Variants in LIN52 observed in about 807,000 individuals in gnomAD.
LIN52 encodes the protein protein lin-52 homolog.
Under a neutral mutation model 18.5 loss-of-function variants are expected in LIN52, and 4 were observed. The observed-to-expected ratio is 0.22, with a 90% CI of 0.11 to 0.49. LIN52 has a LOEUF of 0.49. Ranked by LOEUF, LIN52 falls within the 20% of genes least tolerant of loss-of-function variation. The pLI is 0.97. For missense variants in LIN52, 102 were observed against 139.5 expected (o/e 0.73, Z 1.35); for synonymous variants, 34 against 45.5 (o/e 0.75, Z 1.02).
At chr14:74,130,195 A>C (rs1056832408) in intron 5 of LIN52, among the ~76,000 whole-genome samples, 1 of 151,870 alleles carries the variant, frequency 6.6e-6, no homozygotes, top group Admixed American at 6.6e-5. Flanking sequence ...GAGCCAAACC[A>C]TATCACCCTG....
At chr14:74,128,902 A>G (rs1173891219) in intron 5 of LIN52, among the ~76,000 whole-genome samples, 1 of 152,192 alleles carries the variant, frequency 6.6e-6, no homozygotes, top group Non-Finnish European at 1.5e-5. Flanking sequence ...AGATCGCACC[A>G]CTGCACTCCA....
At chr14:74,116,203 T>C (rs1477301951) in intron 5 of LIN52, among the ~76,000 whole-genome samples, 7 of 152,142 alleles carry the variant, frequency 4.6e-5, no homozygotes, top group Admixed American at 2.0e-4. Context: ...CTGGGGAGAC[T>C]GAGGCATGAG....
intron 5 of LIN52, among the ~76,000 whole-genome samples, chr14:74,156,236 T>C (rs1658556106): frequency 6.6e-6 from 1 of 152,262 alleles, no homozygotes; most frequent in African/African-American, 2.4e-5. Context: ...ACTCCTTTTT[T>C]AGCAATAGCA....
At chr14:74,093,377 A>G (rs1030500711) in intron 2 of LIN52, among the ~76,000 whole-genome samples, 4 of 130,386 alleles carry the variant, frequency 3.1e-5, no homozygotes, top group African/African-American at 1.2e-4. Context: ...CAGGCTGTGC[A>G]GTATAATGGT....
At chr14:74,154,645 A>G (rs2061191959) in intron 5 of LIN52, among the ~76,000 whole-genome samples, 1 of 152,166 alleles carries the variant, frequency 6.6e-6, no homozygotes, top group South Asian at 2.1e-4. Flanking sequence ...AGCTTTATTT[A>G]ATCTGTATTG....
At chr14:74,109,016 A>G (rs2060912471) in intron 5 of LIN52, among the ~76,000 whole-genome samples, 1 of 152,142 alleles carries the variant, frequency 6.6e-6, no homozygotes, top group African/African-American at 2.4e-5. Context: ...GTTTTCTTTT[A>G]AGAGTTTTAT....
intron 5 of LIN52, among the ~76,000 whole-genome samples, chr14:74,173,499 T>C (rs1368378691): frequency 6.6e-6 from 1 of 152,202 alleles, no homozygotes; most frequent in Non-Finnish European, 1.5e-5. Flanking sequence ...GATTACTTAG[T>C]TTTTACAGCA....
At chr14:74,138,626 G>C (rs2061111252) in intron 5 of LIN52, among the ~76,000 whole-genome samples, 2 of 152,052 alleles carry the variant, frequency 1.3e-5, no homozygotes, top group Non-Finnish European at 2.9e-5. Flanking sequence ...GGTGGCTCAA[G>C]CCTGTAGTCT....
chr14:74,168,306 A>G (rs1429723458), intron 5 of LIN52, among the ~76,000 whole-genome samples: 1 of 152,228 alleles, frequency 6.6e-6, no homozygotes, highest in Non-Finnish European at 1.5e-5. Flanking sequence ...TATAACAGTT[A>G]TTACTTATTA....
intron 5 of LIN52, among the ~76,000 whole-genome samples, chr14:74,158,795 A>G (rs1368322323): frequency 6.6e-6 from 1 of 152,232 alleles, no homozygotes; most frequent in African/African-American, 2.4e-5. Flanking sequence ...ATTTATTTCT[A>G]GAGATCAGAA....
Position 74,155,412 on chromosome 14 carries a change from C to T in LIN52, c.284-43510C>T, listed in dbSNP as rs201784393. ...AGTGAAATAGAGAGGGGCATGGCCCCTTGGGAAATCAGGGCTTCATGTTTG... is the reference window on the plus strand; with the variant it reads ...AGTGAAATAGAGAGGGGCATGGCCCTTTGGGAAATCAGGGCTTCATGTTTG... On this transcript the variant is annotated intron_variant, in intron 5 of 5. Transcript: ENST00000555028. Among the ~76,000 whole-genome samples the T allele has an allele frequency of 2.0e-4, 31 of 152,326 alleles. No individual in the cohort carries two copies. In the East Asian group the frequency reaches 5.8e-3, roughly 28 times the overall value.
At chr14:74,164,131 G>T (rs1166910014) in intron 5 of LIN52, among the ~76,000 whole-genome samples, 2 of 151,756 alleles carry the variant, frequency 1.3e-5, no homozygotes, top group African/African-American at 4.8e-5. Flanking sequence ...ACAGGTGCCC[G>T]CCACCATGCC....
intron 5 of LIN52, among the ~76,000 whole-genome samples, chr14:74,127,871 C>A (rs919479925): frequency 6.6e-6 from 1 of 152,094 alleles, no homozygotes; most frequent in African/African-American, 2.4e-5. Context: ...ACCACCACGC[C>A]TGTCTGGGAC....
chr14:74,170,665 T>G (rs1398017830), intron 5 of LIN52, among the ~76,000 whole-genome samples: 1 of 152,068 alleles, frequency 6.6e-6, no homozygotes, highest in Non-Finnish European at 1.5e-5. Flanking sequence ...GTTTGATGTT[T>G]CATATTAGAC....
chr14:74,102,218 G>A (rs1158760604), intron 5 of LIN52, among the ~76,000 whole-genome samples: 1 of 152,100 alleles, frequency 6.6e-6, no homozygotes, highest in African/African-American at 2.4e-5. Flanking sequence ...ACTCCAGCCT[G>A]GGCGACAGAG....
intron 2 of LIN52, among the ~76,000 whole-genome samples, chr14:74,091,745 G>A (rs989229349): frequency 2.3e-5 from 3 of 130,092 alleles, no homozygotes; most frequent in Admixed American, 9.1e-5. Flanking sequence ...CTGCACTTCA[G>A]CCTGTGTGAC....
chr14:74,133,758 G>C (rs544966910), intron 5 of LIN52, among the ~76,000 whole-genome samples: 1 of 152,308 alleles, frequency 6.6e-6, no homozygotes, highest in South Asian at 2.1e-4. Flanking sequence ...CCACAGTGGC[G>C]ATGGTAAAAG....
chr14:74,191,222 CAGAAT>C (rs2078874321), intron 5 of LIN52, among the ~76,000 whole-genome samples: 1 of 152,222 alleles, frequency 6.6e-6, no homozygotes, highest in African/African-American at 2.4e-5. Context: ...GCCAATCCAC[CAGAAT>C]ACCTGTTAAC....
At chr14:74,138,071 T>TA (rs2061108221) in intron 5 of LIN52, among the ~76,000 whole-genome samples, 1 of 152,238 alleles carries the variant, frequency 6.6e-6, no homozygotes, top group Non-Finnish European at 1.5e-5. Flanking sequence ...CCCTTCTTCT[T>TA]AAAATCTGTC....
Sources: gnomAD v4.1 joint callset for allele counts (sites outside exome capture counted in the v4.1 genomes callset) on GRCh38, gnomAD v4.1.1 for gene constraint, MANE v1.5 for transcripts, NCBI Gene and HGNC (gene_info 2026-07-23, HGNC 2026-07-21) for gene names.